Variants in ZNF292 observed in about 807,000 individuals in gnomAD.
The protein encoded by ZNF292 is 16 zinc-finger domain protein.
Under a neutral mutation model 217.9 loss-of-function variants are expected in ZNF292, and 26 were observed. The observed-to-expected ratio is 0.12, with a 90% confidence interval of 0.09 to 0.17. ZNF292 has a LOEUF of 0.17. ZNF292 is among the 10% of genes least tolerant of loss of function. ZNF292 has a pLI of 1.00. For synonymous variants in ZNF292, 1,257 were observed against 1,124.1 expected (o/e 1.12, Z -2.37); for missense variants, 2,904 against 3,175.2 (o/e 0.91, Z 2.05).
intron 1 of ZNF292, among the ~76,000 whole-genome samples, chr6:87,171,159 T>A (rs1771082599): frequency 6.6e-6 from 1 of 152,170 alleles, no homozygotes; most frequent in South Asian, 2.1e-4. Flanking sequence ...AAGATACTTT[T>A]GCATGTGTGT....
intron 5 of ZNF292, among the ~76,000 whole-genome samples, chr6:87,241,446 G>A (rs1195005249): frequency 3.7e-5 from 5 of 133,616 alleles, no homozygotes; most frequent in East Asian, 4.3e-4. Flanking sequence ...TTTTGAGACC[G>A]AGTGCTGCTG....
At chr6:87,240,869 A>G (rs774930683) in intron 5 of ZNF292, among the ~76,000 whole-genome samples, 3 of 152,368 alleles carry the variant, frequency 2.0e-5, no homozygotes, top group South Asian at 2.1e-4. Context: ...ATTCCTGTGC[A>G]GGTGGAATTC....
At chr6:87,204,474 T>G (rs1346992872) in intron 1 of ZNF292, among the ~76,000 whole-genome samples, 1 of 152,068 alleles carries the variant, frequency 6.6e-6, no homozygotes, top group Admixed American at 6.5e-5. Context: ...TATCGCCAAC[T>G]TTTCTGTAAC....
At chr6:87,163,445 C>A (rs927699039) in intron 1 of ZNF292, among the ~76,000 whole-genome samples, 6 of 150,596 alleles carry the variant, frequency 4.0e-5, no homozygotes, top group Non-Finnish European at 8.9e-5. Flanking sequence ...ATCGAGACTT[C>A]GCCTCAAAAA....
Position 87,216,339 on chromosome 6 carries a change from T to C in ZNF292, c.364T>C (p.Ser122Pro), listed in dbSNP as rs781459802. ...TTTACTGTGTCTGCCTGTTGAGTTATCAGATAAACAGTGGGAACAATTTCA... is the reference window on the plus strand; with the variant it reads ...TTTACTGTGTCTGCCTGTTGAGTTACCAGATAAACAGTGGGAACAATTTCA... ...ELLLCLPVEL[S>P]DKQWEQFQTL... Residue 122 changes from serine to proline, a missense_variant, in exon 3 of 8, where the codon TCA becomes CCA. Physicochemically the swap from Ser to Pro is moderately conservative, Grantham distance 74. Transcript: ENST00000369577. The C allele has an allele frequency of 1.3e-5, 21 of 1,586,910 alleles. No individual in the cohort carries two copies. Among genetic ancestry groups the C allele is most frequent in the South Asian group, 3.4e-5 (3 of 87,206 alleles).
In ZNF292 at chr6:87,258,084, A is replaced by C; in HGVS notation, c.4455A>C (p.Glu1485Asp). Residue 1485 changes from glutamate (E) to aspartate (D), a missense_variant, in exon 8 of 8, where the codon GAA (glutamate) becomes GAC (aspartate). This residue lies in a region of ZNF292 where 622 missense variants were observed against 573.1 expected (regional missense o/e 1.09). Coordinates refer to ENST00000369577, the MANE Select transcript of ZNF292 (RefSeq NM_015021.3). The part of the protein sequence containing the change: ...VTNFNTSVSQ[E>D]GSEIIKQALE... ...ACTTTAATACCAGTGTCAGTCAAGA[A>C]GGTAGTGAAATTATTAAACAGGCTT... The C allele has an allele frequency of 1.9e-6, 3 of 1,613,588 alleles. No individual in the cohort carries two copies. Among genetic ancestry groups the C allele is most frequent in the Middle Eastern group, 1.6e-4 (1 of 6,062 alleles).
At position 87,233,314 on chromosome 6, in the gene ZNF292, G is replaced by A; in HGVS notation, c.539-11G>A. On this transcript the variant is annotated splice_polypyrimidine_tract_variant and intron_variant, in intron 4 of 7. Transcript: ENST00000369577. ...AAATGTTAATAATCTATTATGTCTT[G>A]TTTTTTAAAGTGAATGAATTTTTAG... The A allele has an allele frequency of 6.3e-7, 1 of 1,585,898 alleles. No individual in the cohort carries two copies. The highest frequency in any genetic ancestry group is 2.2e-5 in the East Asian group (1 of 44,458).
At chr6:87,177,521 A>T (rs1771341078) in intron 1 of ZNF292, among the ~76,000 whole-genome samples, 1 of 152,152 alleles carries the variant, frequency 6.6e-6, no homozygotes, top group East Asian at 1.9e-4. Context: ...TTGTTTTTTC[A>T]TGAAGTTACT....
At chr6:87,233,804 A>G (rs1190157303) in intron 5 of ZNF292, among the ~76,000 whole-genome samples, 1 of 152,172 alleles carries the variant, frequency 6.6e-6, no homozygotes, top group African/African-American at 2.4e-5. Context: ...GTTTAGTAAA[A>G]TATCTATATT....
At chr6:87,249,408 A>G (rs1323098015) in intron 7 of ZNF292, 2 of 387,584 alleles carry the variant, frequency 5.2e-6, no homozygotes, top group Non-Finnish European at 1.0e-5. Context: ...GATTACAGGT[A>G]TGAGCCACCA....
rs1052883037 is a variant in ZNF292, at chr6:87,216,521, A to G, written c.402+144A>G. On this transcript the variant is annotated intron_variant, in intron 3 of 7. Coordinates refer to ENST00000369577, the MANE Select transcript of ZNF292 (RefSeq NM_015021.3). The stretch of plus-strand genomic sequence containing the variant: ...GATCTTATTGACACTAGTATCTTAC[A>G]TAGAGTAGATCTCAACAAATGTTTG... 10 of 603,822 alleles carry G rather than the reference A, an allele frequency of 1.7e-5. No homozygotes were observed. The East Asian group carries it at 2.3e-4, about 14-fold the overall frequency. The allele number at this position is 603,822 out of a possible 1,614,324, so 37.4% of individuals were successfully genotyped here.
chr6:87,213,769 T>G (rs3999791), intron 1 of ZNF292: 57,104 of 152,020 alleles, frequency 0.38, 11,198 homozygotes, highest in Admixed American at 0.52. Flanking sequence ...AAGCTAAACT[T>G]TAAAATGGAG....
At chr6:87,174,291 T>G (rs1459090248) in intron 1 of ZNF292, 2 of 152,408 alleles carry the variant, frequency 1.3e-5, no homozygotes, top group Non-Finnish European at 2.9e-5. Context: ...GCCGTGTGAT[T>G]TGTCCAAGAA....
At chr6:87,242,281 C>T (rs1774331557) in intron 5 of ZNF292, among the ~76,000 whole-genome samples, 1 of 152,178 alleles carries the variant, frequency 6.6e-6, no homozygotes, top group Non-Finnish European at 1.5e-5. Context: ...AACTCTTCCA[C>T]TAACTTCATA....
intron 4 of ZNF292, chr6:87,223,516 A>T (rs919022851): frequency 6.6e-6 from 1 of 152,212 alleles, no homozygotes; most frequent in Non-Finnish European, 1.5e-5. Context: ...TGTGCAGCCC[A>T]TCTTCAAGTG....
chr6:87,258,604 G>A lies in ZNF292; in HGVS notation c.4975G>A (p.Ala1659Thr), dbSNP rs1368504229. Reference sequence around the variant, plus strand: ...TGACTTAACAACAATGGGACTCATAGCAAAGAGTGTTGAAATCCCAACTAC... The same window carrying A: ...TGACTTAACAACAATGGGACTCATAACAAAGAGTGTTGAAATCCCAACTAC... ...TSDLTTMGLI[A>T]KSVEIPTTNL... Residue 1659 changes from alanine to threonine, a missense_variant, in exon 8 of 8, where the codon GCA (alanine) becomes ACA (threonine). Coordinates refer to ENST00000369577, the MANE Select transcript of ZNF292 (RefSeq NM_015021.3). 1.2e-6 allele frequency: 2 copies of A among 1,613,684 alleles called. No individual in the cohort carries two copies. The highest frequency in any genetic ancestry group is 1.7e-6 in the Non-Finnish European group (2 of 1,179,754).
At chr6:87,205,286 C>A (rs748622663) in intron 1 of ZNF292, among the ~76,000 whole-genome samples, 18 of 152,086 alleles carry the variant, frequency 1.2e-4, no homozygotes, top group Non-Finnish European at 1.9e-4. Context: ...GTTGCTCTGG[C>A]TGGTCTCGAA....
intron 7 of ZNF292, among the ~76,000 whole-genome samples, chr6:87,247,285 G>A (rs1013873708): frequency 2.4e-5 from 2 of 83,822 alleles, no homozygotes; most frequent in East Asian, 3.3e-4. Context: ...ACACACATGC[G>A]CACGCACGTG....
rs758969434 is a variant in ZNF292 at position 87,259,918 on chromosome 6, C to A, written c.6289C>A (p.Pro2097Thr). The A allele has an allele frequency of 3.1e-6, 5 of 1,613,546 alleles. No homozygotes were observed. The highest frequency in any genetic ancestry group is 2.7e-5 in the African/African-American group (2 of 74,998). Residue 2097 changes from proline to threonine, a missense_variant, in exon 8 of 8, where the codon CCA becomes ACA. Physicochemically the swap from Pro to Thr is conservative, Grantham distance 38. Transcript: ENST00000369577. Reference sequence around the variant, plus strand: ...AAAGGAGGAGAAAAAACGAAAGAAGCCAGTTTCCCAATCCCTTGAGTTTCC... The same window carrying A: ...AAAGGAGGAGAAAAAACGAAAGAAGACAGTTTCCCAATCCCTTGAGTTTCC... ...KEKEEKKRKK[P>T]VSQSLEFPTR...
Sources: allele counts gnomAD v4.1 joint callset (sites outside exome capture counted in the v4.1 genomes callset), GRCh38; gene constraint gnomAD v4.1.1; regional missense constraint gnomAD v4.1.1; transcripts MANE v1.5; gene names NCBI Gene and HGNC (gene_info 2026-07-23, HGNC 2026-07-21).